TBCE: variants seen among roughly 807,000 people sequenced by gnomAD.
The protein encoded by TBCE is tubulin-specific chaperone E.
TBCE carries 53 observed loss-of-function variants against 77.0 expected under a neutral mutation model. That is an observed-to-expected ratio of 0.69 (90% CI 0.55 to 0.87). The LOEUF (loss-of-function observed/expected upper bound fraction) is 0.87, where lower values mean the gene tolerates loss of function less well. Ranked by LOEUF, TBCE falls within the 40% of genes least tolerant of loss-of-function variation. The pLI is 0.00. For missense variants in TBCE, 624 were observed against 622.4 expected, an observed-to-expected ratio of 1.00 and a Z score of -0.03; for synonymous variants, 235 against 241.3, an observed-to-expected ratio of 0.97 and a Z score of 0.24.
At chr1:235,405,532 A>T (rs1410703902) in intron 3 of TBCE, among the ~76,000 whole-genome samples, 1 of 151,850 alleles carries the variant, frequency 6.6e-6, no homozygotes, top group African/African-American at 2.4e-5. Context: ...GCTACTGGGA[A>T]GGTTGAGGCA....
At chr1:235,393,030 T>C (rs1264714877) in intron 2 of TBCE, among the ~76,000 whole-genome samples, 1 of 152,022 alleles carries the variant, frequency 6.6e-6, no homozygotes, top group Non-Finnish European at 1.5e-5. Flanking sequence ...AAAATTCTGC[T>C]TTAGCTTTTT....
At chr1:235,380,845 G>A (rs1046370249) in intron 2 of TBCE, among the ~76,000 whole-genome samples, 1 of 152,094 alleles carries the variant, frequency 6.6e-6, no homozygotes, top group Non-Finnish European at 1.5e-5. Context: ...GAGTGTAGTG[G>A]TGCGATGTTG....
At chr1:235,368,948 T>C (rs6673997) in intron 1 of TBCE, among the ~76,000 whole-genome samples, 110,851 of 151,628 alleles carry the variant, frequency 0.73, 41,870 homozygotes, top group African/African-American at 0.93. Flanking sequence ...AAATCTTTGG[T>C]ATCATCCCTG....
chr1:235,369,404 G>A (rs1676759637), intron 1 of TBCE, among the ~76,000 whole-genome samples: 1 of 152,220 alleles, frequency 6.6e-6, no homozygotes, highest in Non-Finnish European at 1.5e-5. Context: ...CTACTCAGGA[G>A]GCTGAGGCAG....
chr1:235,386,796 A>G (rs914735551), intron 2 of TBCE, among the ~76,000 whole-genome samples: 135 of 152,154 alleles, frequency 8.9e-4, no homozygotes, highest in African/African-American at 2.6e-3. Context: ...TCTTCTCTCA[A>G]TTTGTCAAAG....
At chr1:235,442,274 G>A (rs1037841793) in intron 14 of TBCE, among the ~76,000 whole-genome samples, 13 of 152,130 alleles carry the variant, frequency 8.5e-5, no homozygotes, top group African/African-American at 2.9e-4. Flanking sequence ...GGGTTCAAGC[G>A]ATTTTCGTGC....
At chr1:235,379,863 C>CCTTGTT (rs1558346377) in intron 1 of TBCE, among the ~76,000 whole-genome samples, 156 bp from the exon 2 acceptor site, 1 of 149,028 alleles carries the variant, frequency 6.7e-6, no homozygotes, top group Non-Finnish European at 1.5e-5. Flanking sequence ...GCACAAGAAC[C>CCTTGTT]CTTGAGCCTG....
chr1:235,387,599 G>A (rs532858328), intron 2 of TBCE, among the ~76,000 whole-genome samples: 3 of 152,278 alleles, frequency 2.0e-5, no homozygotes, highest in African/African-American at 2.4e-5. Flanking sequence ...AGGACCCTCC[G>A]AGCCAGGTGC....
intron 9 of TBCE, 184 bp downstream of exon 9, chr1:235,436,024 AT>A: frequency 3.1e-6 from 2 of 636,452 alleles, no homozygotes; most frequent in Admixed American, 5.5e-5. Context: ...TGAACCCTGT[AT>A]AATGTGGACT....
rs535641126 is a variant in TBCE at position 235,389,325 on chromosome 1, T to TTTGGTTTG, written c.100+9178_100+9179insGGTTTGTT. ...GAGGGAGCTACTGTAAATTTAAGCT[T>TTTGGTTTG]TTTGTTTGTTTGTTTGTTTGAGGTT... is the stretch of plus-strand genomic sequence containing the variant. On this transcript the variant is annotated intron_variant, in intron 2 of 16. Coordinates refer to ENST00000642610, the MANE Select transcript of TBCE (RefSeq NM_003193.5). 4.4e-3 allele frequency among the ~76,000 whole-genome samples: 665 copies of TTTGGTTTG among 152,210 alleles called. 3 individuals are homozygous for TTTGGTTTG. Among genetic ancestry groups the TTTGGTTTG allele is most frequent in the Non-Finnish European group, 7.4e-3 (505 of 68,004 alleles).
In TBCE at chr1:235,436,370, A is replaced by G; in HGVS notation, c.834-16A>G. 4 of 1,610,294 alleles carry G rather than the reference A, an allele frequency of 2.5e-6. No homozygotes were observed. Among genetic ancestry groups the G allele is most frequent in the Non-Finnish European group, 3.4e-6 (4 of 1,176,622 alleles). ...ACATTGTTCTGTGTAATCAAATTGTACATTTTGAATTTCAGGTTAGAACAA... is the reference window on the plus strand; with the variant it reads ...ACATTGTTCTGTGTAATCAAATTGTGCATTTTGAATTTCAGGTTAGAACAA... On this transcript the variant is annotated splice_polypyrimidine_tract_variant and intron_variant, in intron 9 of 16. Coordinates refer to ENST00000642610, the MANE Select transcript of TBCE (RefSeq NM_003193.5).
intron 3 of TBCE, among the ~76,000 whole-genome samples, 198 bp downstream of exon 3, chr1:235,401,785 T>TTCTGAC (rs1182089936): frequency 6.6e-6 from 1 of 151,084 alleles, no homozygotes; most frequent in Non-Finnish European, 1.5e-5. Context: ...TTTAAAAAAA[T>TTCTGAC]TCTGACTCTT....
chr1:235,441,702 G>C (rs1681887454), intron 13 of TBCE, 112 bp from the exon 14 acceptor site: 1 of 959,008 alleles, frequency 1.0e-6, no homozygotes, highest in Non-Finnish European at 1.6e-6. Flanking sequence ...ATGTGTCCTG[G>C]GAAAGGCACA....
chr1:235,413,615 A>G (rs1369019167), intron 3 of TBCE, among the ~76,000 whole-genome samples: 1 of 150,792 alleles, frequency 6.6e-6, no homozygotes, highest in Non-Finnish European at 1.5e-5. Context: ...GTGAGTCAAG[A>G]TTGCGCCACT....
chr1:235,445,678 T>TA (rs1456291992), intron 15 of TBCE, among the ~76,000 whole-genome samples: 1 of 152,094 alleles, frequency 6.6e-6, no homozygotes, highest in Non-Finnish European at 1.5e-5. Context: ...TCTTTTTTTT[T>TA]ATCCATTAGA....
intron 4 of TBCE, among the ~76,000 whole-genome samples, chr1:235,416,479 T>C (rs1421433984): frequency 2.6e-5 from 4 of 152,000 alleles, no homozygotes; most frequent in African/African-American, 9.7e-5. Context: ...TGAGACATGA[T>C]TGCACCACTG....
chr1:235,391,883 A>C (rs1261536585), intron 2 of TBCE, among the ~76,000 whole-genome samples: 1 of 151,982 alleles, frequency 6.6e-6, no homozygotes, highest in Non-Finnish European at 1.5e-5. Context: ...CTGGGATTAC[A>C]GATGTGAGCC....
chr1:235,440,659 G>A (rs1293077477), intron 13 of TBCE, among the ~76,000 whole-genome samples: 2 of 152,154 alleles, frequency 1.3e-5, no homozygotes, highest in Non-Finnish European at 2.9e-5. Context: ...CTCCCAAAGT[G>A]CTGGGATTAC....
In TBCE at chr1:235,417,767, TTG is replaced by T. The variant is rs1491393692; in HGVS notation, c.372-1704_372-1703del. Among the ~76,000 whole-genome samples, 3 of 147,634 alleles carry T rather than the reference TTG, an allele frequency of 2.0e-5. No homozygotes were observed. In the South Asian group the frequency reaches 6.4e-4, roughly 32 times the overall value. Reference sequence around the variant, plus strand: ...GTACCCTGGTTTTTCTTTCTTTTTTTTGTTGTTGTTTCTTGTTTTTTGTTTTG... The same window carrying T: ...GTACCCTGGTTTTTCTTTCTTTTTTTTTGTTGTTTCTTGTTTTTTGTTTTG... On this transcript the variant is annotated intron_variant, in intron 4 of 16. Transcript: ENST00000642610.
Sources: gnomAD v4.1 joint callset for allele counts (sites outside exome capture counted in the v4.1 genomes callset) on GRCh38, gnomAD v4.1.1 for gene constraint, MANE v1.5 for transcripts, NCBI Gene and HGNC (gene_info 2026-07-23, HGNC 2026-07-21) for gene names.